KIAA0825: variants seen among roughly 807,000 people sequenced by gnomAD.
KIAA0825 encodes uncharacterized protein KIAA0825.
A neutral mutation model predicts 147.6 loss-of-function variants in KIAA0825; 119 were observed. The observed-to-expected ratio is 0.81, with a 90% CI of 0.69 to 0.94. KIAA0825 has a LOEUF of 0.94. Among genes scored for constraint, KIAA0825 ranks in the 40% least tolerant of loss-of-function variants. The probability of loss-of-function intolerance (pLI) is 0.00; values close to 1 mark genes in which losing one functional copy is unlikely to be tolerated. For synonymous variants in KIAA0825, 470 were observed against 518.1 expected (o/e 0.91, Z 1.26); for missense variants, 1,381 against 1,472.7 (o/e 0.94, Z 1.02).
intron 14 of KIAA0825, among the ~76,000 whole-genome samples, chr5:94,436,176 C>G (rs1700110149): frequency 6.6e-6 from 1 of 152,042 alleles, no homozygotes; most frequent in African/African-American, 2.4e-5. Context: ...TTGCTTTTGG[C>G]ATCTTCATCA....
At chr5:94,377,473 AGGGAGAGCTCCTTTT>A (rs1747749810) in intron 20 of KIAA0825, among the ~76,000 whole-genome samples, 2 of 152,364 alleles carry the variant, frequency 1.3e-5, no homozygotes, top group Middle Eastern at 3.4e-3. Flanking sequence ...GAATGAGGGA[AGGGAGAGCTCCTTTT>A]GGTCCACTCT....
At chr5:94,499,443 G>A (rs891777325) in intron 5 of KIAA0825, among the ~76,000 whole-genome samples, 3 of 152,002 alleles carry the variant, frequency 2.0e-5, no homozygotes, top group Admixed American at 6.6e-5. Flanking sequence ...CAACCAACAC[G>A]GTTCCATTTC....
chr5:94,608,116 T>C (rs183858467), intron 1 of KIAA0825, among the ~76,000 whole-genome samples: 239 of 152,090 alleles, frequency 1.6e-3, no homozygotes, highest in African/African-American at 5.4e-3. Flanking sequence ...GTTCTACGTA[T>C]TAGGATGTAG....
chr5:94,451,549 T>A (rs1009965960), intron 13 of KIAA0825, among the ~76,000 whole-genome samples: 1 of 152,178 alleles, frequency 6.6e-6, no homozygotes, highest in Non-Finnish European at 1.5e-5. Flanking sequence ...AGGATAATAA[T>A]GGAGATTGAT....
intron 17 of KIAA0825, among the ~76,000 whole-genome samples, chr5:94,392,326 T>C (rs1251578108): frequency 6.6e-6 from 1 of 152,216 alleles, no homozygotes; most frequent in Non-Finnish European, 1.5e-5. Flanking sequence ...GTCACTATCT[T>C]GATTATTCTT....
chr5:94,258,075 T>C (rs894591642), intron 20 of KIAA0825, among the ~76,000 whole-genome samples: 2 of 152,038 alleles, frequency 1.3e-5, no homozygotes, highest in African/African-American at 4.8e-5. Flanking sequence ...TATTGTCCTT[T>C]AAAAATCAGT....
chr5:94,484,753 CAA>C lies in KIAA0825; in HGVS notation c.1132+14_1132+15del. 7.0e-7 allele frequency: 1 copy of C among 1,423,616 alleles called. No individual in the cohort carries two copies. Among genetic ancestry groups the C allele is most frequent in the Non-Finnish European group, 9.4e-7 (1 of 1,069,212 alleles). 88.2% of individuals were successfully genotyped at this position (1,423,616 alleles called of 1,614,324 possible). A position where few individuals can be genotyped will look rare whatever the true frequency, so the allele number is the denominator to read the frequency against. ...GAAATTATAGATTTACAAATTTAAA[CAA>C]AAGAGGATATTACCTGAAGTATCCC... On this transcript the variant is annotated intron_variant, in intron 6 of 20. Transcript: ENST00000682413.
At chr5:94,170,655 A>G (rs971365847) in intron 20 of KIAA0825, among the ~76,000 whole-genome samples, 1 of 152,186 alleles carries the variant, frequency 6.6e-6, no homozygotes, top group Non-Finnish European at 1.5e-5. Context: ...AGATAGGCCA[A>G]AAGGAAGAAA....
chr5:94,431,896 A>G (rs971233824), intron 14 of KIAA0825, among the ~76,000 whole-genome samples: 1 of 152,168 alleles, frequency 6.6e-6, no homozygotes, highest in African/African-American at 2.4e-5. Context: ...GAGCTGGACA[A>G]GTTGGCCACA....
chr5:94,537,222 A>G (rs1772221126), intron 2 of KIAA0825, 95 bp from the exon 3 acceptor site: 2 of 865,776 alleles, frequency 2.3e-6, no homozygotes, highest in Non-Finnish European at 1.8e-6. Context: ...GTGATACTAA[A>G]CCAAAAATAG....
chr5:94,529,677 GCTCT>G (rs751402204), intron 3 of KIAA0825, among the ~76,000 whole-genome samples: 1 of 151,856 alleles, frequency 6.6e-6, no homozygotes, highest in African/African-American at 2.4e-5. Flanking sequence ...CCTCTTCACT[GCTCT>G]CTCTACTATT....
chr5:94,233,556 A>T (rs1434866956), intron 20 of KIAA0825, among the ~76,000 whole-genome samples: 1 of 152,202 alleles, frequency 6.6e-6, no homozygotes, highest in East Asian at 1.9e-4. Flanking sequence ...GAAAGCCTGT[A>T]TCTTACCTTT....
At chr5:94,551,007 A>G (rs1162784271) in intron 2 of KIAA0825, among the ~76,000 whole-genome samples, 1 of 152,030 alleles carries the variant, frequency 6.6e-6, no homozygotes, top group Non-Finnish European at 1.5e-5. Flanking sequence ...TGTGATTTGA[A>G]TGAAAAATTC....
chr5:94,545,831 G>C (rs1561294774), intron 2 of KIAA0825, among the ~76,000 whole-genome samples: 1 of 152,182 alleles, frequency 6.6e-6, no homozygotes, highest in Admixed American at 6.5e-5. Context: ...GAAAAACAGG[G>C]GGAAAAGTAA....
Position 94,459,454 on chromosome 5 carries a change from G to A in KIAA0825, c.2246+2933C>T, listed in dbSNP as rs534517351. Among the ~76,000 whole-genome samples the A allele has an allele frequency of 1.7e-4, 26 of 152,150 alleles. No individual in the cohort carries two copies. In the South Asian group the frequency reaches 5.0e-3, roughly 29 times the overall value. ...AGGTGTGCCAGTCACTCCTGAGGTAGGAAAAGCAAAGGCCTATTTTATTTT... is the reference window on the plus strand; with the variant it reads ...AGGTGTGCCAGTCACTCCTGAGGTAAGAAAAGCAAAGGCCTATTTTATTTT... On this transcript the variant is annotated intron_variant, in intron 12 of 20. Transcript: ENST00000682413.
At position 94,330,058 on chromosome 5, in the gene KIAA0825, GTGA is replaced by G. The variant is rs560197872; in HGVS notation, c.3710+54307_3710+54309del. Among the ~76,000 whole-genome samples, 6 of 152,050 alleles carry G rather than the reference GTGA, an allele frequency of 3.9e-5. No homozygotes were observed. In the South Asian group the frequency reaches 1.2e-3, roughly 32 times the overall value. On this transcript the variant is annotated intron_variant, in intron 20 of 20. Transcript: ENST00000682413. ...CTCAACAAAAATGTAGTGTATTTGGGTGATGGACACCCTCAGTATCCTGATTTG... is the reference window on the plus strand; with the variant it reads ...CTCAACAAAAATGTAGTGTATTTGGGTGGACACCCTCAGTATCCTGATTTG...
intron 20 of KIAA0825, among the ~76,000 whole-genome samples, chr5:94,228,775 G>A (rs574332750): frequency 3.3e-5 from 5 of 152,292 alleles, no homozygotes; most frequent in Non-Finnish European, 7.4e-5. Context: ...TCCATTAAAA[G>A]CCTATCATAT....
intron 13 of KIAA0825, among the ~76,000 whole-genome samples, chr5:94,445,803 C>T (rs749998399): frequency 6.6e-6 from 1 of 152,166 alleles, no homozygotes; most frequent in Non-Finnish European, 1.5e-5. Context: ...GTTCCATAGA[C>T]ACTGACTTCC....
intron 20 of KIAA0825, among the ~76,000 whole-genome samples, chr5:94,188,601 C>A (rs1273644341): frequency 6.6e-6 from 1 of 151,902 alleles, no homozygotes; most frequent in Non-Finnish European, 1.5e-5. Context: ...TTGAGTTATT[C>A]ATATTTTGTT....
Sources: allele counts gnomAD v4.1 joint callset (sites outside exome capture counted in the v4.1 genomes callset), GRCh38; gene constraint gnomAD v4.1.1; transcripts MANE v1.5; gene names NCBI Gene and HGNC (gene_info 2026-07-23, HGNC 2026-07-21).